Variants in KCNH8 observed in about 807,000 individuals in gnomAD.
KCNH8 encodes potassium voltage-gated channel subfamily H member 8.
In KCNH8, 70 loss-of-function variants were observed where a neutral mutation model predicts 103.6. The ratio of observed to expected loss-of-function variants is 0.68; its 90% CI spans 0.56 to 0.82. The LOEUF is 0.82. Ranked by LOEUF, KCNH8 falls within the 40% of genes least tolerant of loss-of-function variation. The probability of loss-of-function intolerance (pLI) is 0.00; values close to 1 mark genes in which losing one functional copy is unlikely to be tolerated. For missense variants in KCNH8, 1,217 were observed against 1,329.9 expected, an observed-to-expected ratio of 0.92 and a Z score of 1.32; for synonymous variants, 498 against 489.4, an observed-to-expected ratio of 1.02 and a Z score of -0.23.
At chr3:19,327,561 A>T (rs2065441081) in intron 3 of KCNH8, among the ~76,000 whole-genome samples, 1 of 152,192 alleles carries the variant, frequency 6.6e-6, no homozygotes, top group Non-Finnish European at 1.5e-5. Context: ...AAGTGCTGGG[A>T]TTACAGGCCT....
At chr3:19,519,660 A>G (rs2068937958) in intron 15 of KCNH8, among the ~76,000 whole-genome samples, 1 of 151,726 alleles carries the variant, frequency 6.6e-6, no homozygotes, top group Admixed American at 6.6e-5. Context: ...TAAAACAAAA[A>G]AACAAAACAA....
At chr3:19,394,903 C>A (rs1575011016) in intron 6 of KCNH8, among the ~76,000 whole-genome samples, 1 of 151,992 alleles carries the variant, frequency 6.6e-6, no homozygotes, top group Non-Finnish European at 1.5e-5. Context: ...ATTAAATTAT[C>A]CTTCCTATCC....
At chr3:19,513,434 T>TA in intron 13 of KCNH8, 109 bp downstream of exon 13, 3 of 1,397,300 alleles carry the variant, frequency 2.1e-6, no homozygotes, top group Non-Finnish European at 2.9e-6. Flanking sequence ...ATTCCTAGCC[T>TA]GGAATCCTCA....
rs2064909029 is a variant in KCNH8, at chr3:19,290,782, C to T, written c.442+9453C>T. On this transcript the variant is annotated intron_variant, in intron 3 of 15. Coordinates refer to ENST00000328405, the MANE Select transcript of KCNH8 (RefSeq NM_144633.3). The stretch of plus-strand genomic sequence containing the variant: ...CTCATAAAATGAGTTAGGGAGGATT[C>T]CCTCTTTTTCTATTGATTGGAATAG... 2.0e-5 allele frequency among the ~76,000 whole-genome samples: 3 copies of T among 152,090 alleles called. No homozygotes were observed. The South Asian group carries it at 6.2e-4, about 32-fold the overall frequency.
At chr3:19,355,416 A>G (rs1489843124) in intron 5 of KCNH8, among the ~76,000 whole-genome samples, 3 of 152,334 alleles carry the variant, frequency 2.0e-5, no homozygotes, top group South Asian at 2.1e-4. Context: ...TCATGCTGCT[A>G]TAAAGACACA....
At chr3:19,346,171 C>T (rs551340060) in intron 4 of KCNH8, among the ~76,000 whole-genome samples, 1 of 152,014 alleles carries the variant, frequency 6.6e-6, no homozygotes, top group Non-Finnish European at 1.5e-5. Flanking sequence ...CATGTTATTA[C>T]AACTTGAAGT....
intron 7 of KCNH8, among the ~76,000 whole-genome samples, 179 bp downstream of exon 7, chr3:19,395,490 A>C (rs2066502625): frequency 6.6e-6 from 1 of 151,976 alleles, no homozygotes; most frequent in African/African-American, 2.4e-5. Flanking sequence ...GGTTTTCTGG[A>C]ACAACGTTAC....
At chr3:19,349,486 A>G (rs1199202342) in intron 5 of KCNH8, among the ~76,000 whole-genome samples, 2 of 152,080 alleles carry the variant, frequency 1.3e-5, no homozygotes, top group Admixed American at 6.6e-5. Context: ...TAGTGATTTC[A>G]TAGGGTTTTG....
intron 15 of KCNH8, among the ~76,000 whole-genome samples, chr3:19,519,124 G>C (rs1336167470): frequency 1.3e-5 from 2 of 151,930 alleles, no homozygotes; most frequent in Non-Finnish European, 2.9e-5. Flanking sequence ...AAGTGGAGTT[G>C]AGGCTCTTCA....
In KCNH8 at chr3:19,395,194, A is replaced by G; in HGVS notation, c.1060A>G (p.Ile354Val). ...KLDRYSQHST[I>V]VLTLLMSMFA... ...AGACCGCTATTCCCAACACAGTACT[A>G]TCGTCCTGACTCTGCTCATGTCCAT... is the stretch of plus-strand genomic sequence containing the variant. Residue 354 changes from isoleucine to valine, a missense_variant, in exon 7 of 16, where the codon ATC becomes GTC. This residue lies in a region of KCNH8 where 415 missense variants were observed against 577.4 expected (regional missense o/e 0.72). Transcript: ENST00000328405. The G allele has an allele frequency of 6.2e-7, 1 of 1,610,792 alleles. No homozygotes were observed.
At chr3:19,526,387 T>C (rs188527312) in intron 15 of KCNH8, among the ~76,000 whole-genome samples, 33 of 152,112 alleles carry the variant, frequency 2.2e-4, no homozygotes, top group African/African-American at 7.5e-4. Context: ...ATAGCCAAGA[T>C]GGAGAAATAT....
intron 8 of KCNH8, among the ~76,000 whole-genome samples, chr3:19,439,586 G>A (rs754827094): frequency 2.6e-5 from 4 of 152,178 alleles, no homozygotes; most frequent in Non-Finnish European, 4.4e-5. Context: ...AGCAAGTTTG[G>A]TGGAGAAGTA....
intron 1 of KCNH8, among the ~76,000 whole-genome samples, chr3:19,244,124 T>G (rs2064175385): frequency 6.6e-6 from 1 of 152,222 alleles, no homozygotes; most frequent in Non-Finnish European, 1.5e-5. Flanking sequence ...TATGTTTATT[T>G]AAAAGAATAA....
At chr3:19,310,528 A>G (rs1490505900) in intron 3 of KCNH8, among the ~76,000 whole-genome samples, 1 of 151,844 alleles carries the variant, frequency 6.6e-6, no homozygotes, top group East Asian at 1.9e-4. Context: ...TCATAACATT[A>G]TTGTTTTTAT....
intron 1 of KCNH8, among the ~76,000 whole-genome samples, chr3:19,182,749 A>T (rs768931653): frequency 1.6e-4 from 25 of 152,234 alleles, no homozygotes; most frequent in Non-Finnish European, 2.8e-4. Context: ...TAAGAACAGA[A>T]TGAGTTCTGC....
At chr3:19,381,749 G>A (rs2066291229) in intron 5 of KCNH8, among the ~76,000 whole-genome samples, 1 of 152,064 alleles carries the variant, frequency 6.6e-6, no homozygotes, top group Non-Finnish European at 1.5e-5. Flanking sequence ...AATATACAGA[G>A]CAACATGAAA....
At chr3:19,197,113 A>G (rs933338394) in intron 1 of KCNH8, among the ~76,000 whole-genome samples, 1 of 152,036 alleles carries the variant, frequency 6.6e-6, no homozygotes, top group African/African-American at 2.4e-5. Context: ...TTTACAAGCT[A>G]CTGAAAGATT....
chr3:19,358,695 T>C (rs1298817560), intron 5 of KCNH8, among the ~76,000 whole-genome samples: 1 of 151,888 alleles, frequency 6.6e-6, no homozygotes, highest in East Asian at 1.9e-4. Flanking sequence ...TTTAAATACA[T>C]AGAAACCAAA....
At chr3:19,314,397 C>T (rs200674769) in intron 3 of KCNH8, among the ~76,000 whole-genome samples, 2 of 151,798 alleles carry the variant, frequency 1.3e-5, no homozygotes, top group East Asian at 3.9e-4. Context: ...TAGACAGACA[C>T]TGATTCTACA....
Sources: allele counts gnomAD v4.1 joint callset (sites outside exome capture counted in the v4.1 genomes callset), GRCh38; gene constraint gnomAD v4.1.1; regional missense constraint gnomAD v4.1.1; transcripts MANE v1.5; gene names NCBI Gene and HGNC (gene_info 2026-07-23, HGNC 2026-07-21).